Variants in CPNE4 observed in about 807,000 individuals in gnomAD.
The protein encoded by CPNE4 is copine 4, also known as copine-4.
A neutral mutation model predicts 67.9 loss-of-function variants in CPNE4; 25 were observed. The observed-to-expected ratio is 0.37, with a 90% CI of 0.27 to 0.51. The LOEUF (loss-of-function observed/expected upper bound fraction) is 0.51, where lower values mean the gene tolerates loss of function less well. CPNE4 is among the 20% of genes least tolerant of loss of function. The probability of loss-of-function intolerance (pLI) is 0.93; values close to 1 mark genes in which losing one functional copy is unlikely to be tolerated. For synonymous variants in CPNE4, 242 were observed against 244.9 expected (o/e 0.99, Z 0.11); for missense variants, 464 against 690.8 (o/e 0.67, Z 3.68).
At chr3:131,971,617 T>C (rs2072505597) in intron 1 of CPNE4, among the ~76,000 whole-genome samples, 1 of 152,226 alleles carries the variant, frequency 6.6e-6, no homozygotes, top group Non-Finnish European at 1.5e-5. Context: ...AATATTTTTC[T>C]TGGCCCTTCA....
intron 2 of CPNE4, among the ~76,000 whole-genome samples, chr3:131,762,686 C>T (rs1255810489): frequency 6.6e-6 from 1 of 152,034 alleles, no homozygotes; most frequent in Non-Finnish European, 1.5e-5. Context: ...ATAACTGCCC[C>T]TTGAAATAGA....
intron 2 of CPNE4, among the ~76,000 whole-genome samples, chr3:131,735,732 T>C (rs2082219404): frequency 6.6e-6 from 1 of 152,250 alleles, no homozygotes; most frequent in African/African-American, 2.4e-5. Flanking sequence ...GTGGGGCAAG[T>C]TGACTTCATA....
chr3:131,614,220 A>C (rs1434004103), intron 7 of CPNE4, among the ~76,000 whole-genome samples: 1 of 152,160 alleles, frequency 6.6e-6, no homozygotes, highest in Admixed American at 6.5e-5. Context: ...CATTCATTAA[A>C]CCCAACATGT....
intron 15 of CPNE4, among the ~76,000 whole-genome samples, chr3:131,536,133 G>A (rs1935132666): frequency 6.6e-6 from 1 of 152,136 alleles, no homozygotes. Flanking sequence ...AGGATTGGTT[G>A]GGCATTTGGT....
Position 131,879,167 on chromosome 3 carries a change from TGTCA to T in CPNE4, c.180+26093_180+26096del, listed in dbSNP as rs1396212160. The stretch of plus-strand genomic sequence containing the variant: ...GACATACTCAGAGTGTTTGTTAGTT[TGTCA>T]GTGAGTAAAAATCACATGGAGTGTA... On this transcript the variant is annotated intron_variant, in intron 2 of 15. Transcript: ENST00000429747. 2.0e-5 allele frequency among the ~76,000 whole-genome samples: 3 copies of T among 152,222 alleles called. No individual in the cohort carries two copies. In the East Asian group the frequency reaches 5.8e-4, roughly 29 times the overall value.
chr3:131,704,536 A>G (rs1583050084), intron 3 of CPNE4, among the ~76,000 whole-genome samples: 1 of 152,032 alleles, frequency 6.6e-6, no homozygotes, highest in South Asian at 2.1e-4. Context: ...TCTCTTTGCT[A>G]TCTCACTTCT....
chr3:131,896,765 G>A (rs1479384879), intron 2 of CPNE4, among the ~76,000 whole-genome samples: 2 of 151,984 alleles, frequency 1.3e-5, no homozygotes, highest in Non-Finnish European at 2.9e-5. Flanking sequence ...CATTTTAAGA[G>A]GCATGGATGC....
At chr3:131,844,919 T>G (rs1387621970) in intron 2 of CPNE4, among the ~76,000 whole-genome samples, 1 of 152,188 alleles carries the variant, frequency 6.6e-6, no homozygotes, top group African/African-American at 2.4e-5. Flanking sequence ...GATAATACTC[T>G]TCAAAAAGTG....
chr3:131,867,259 G>A (rs2086991613), intron 2 of CPNE4, among the ~76,000 whole-genome samples: 1 of 152,058 alleles, frequency 6.6e-6, no homozygotes, highest in African/African-American at 2.4e-5. Context: ...CCGCTCTTTG[G>A]GGCACAGCTG....
At position 131,951,615 on chromosome 3, in the gene CPNE4, A is replaced by C. The variant is rs569450014; in HGVS notation, c.-1-46171T>G. On this transcript the variant is annotated intron_variant, in intron 1 of 15. Transcript: ENST00000429747. ...CCATGGTCTCCCTCTGATGCCGAGC[A>C]GAAGCTGGACTGTACTGCTGCCATC... 5.5e-3 allele frequency among the ~76,000 whole-genome samples: 830 copies of C among 151,840 alleles called. 4 individuals are homozygous for C. Among genetic ancestry groups the C allele is most frequent in the Non-Finnish European group, 9.3e-3 (631 of 67,966 alleles).
intron 2 of CPNE4, among the ~76,000 whole-genome samples, chr3:131,904,938 G>A (rs557002129): frequency 9.1e-4 from 139 of 152,220 alleles, no homozygotes; most frequent in African/African-American, 3.1e-3. Context: ...GGCCCAGTCT[G>A]GGGTCTGGGT....
At chr3:131,880,063 T>A (rs1425266910) in intron 2 of CPNE4, among the ~76,000 whole-genome samples, 3 of 151,976 alleles carry the variant, frequency 2.0e-5, no homozygotes, top group African/African-American at 7.3e-5. Flanking sequence ...AGGACAGGGA[T>A]CATAACTGTT....
intron 7 of CPNE4, among the ~76,000 whole-genome samples, chr3:131,624,437 A>T (rs1347133149): frequency 6.6e-6 from 1 of 152,146 alleles, no homozygotes; most frequent in Admixed American, 6.5e-5. Context: ...AAAACACAGG[A>T]CTTTATTTTC....
At chr3:131,686,010 T>C (rs2080880594) in intron 5 of CPNE4, 52 bp from the exon 6 acceptor site, 1 of 953,126 alleles carries the variant, frequency 1.0e-6, no homozygotes, top group African/African-American at 1.6e-5. Flanking sequence ...TTTGATCTAG[T>C]CCTGATCAAT....
intron 2 of CPNE4, among the ~76,000 whole-genome samples, chr3:131,755,382 G>A (rs1003558392): frequency 6.6e-6 from 1 of 152,120 alleles, no homozygotes; most frequent in African/African-American, 2.4e-5. Context: ...ATACGGACCT[G>A]TGACAGATGA....
intron 7 of CPNE4, among the ~76,000 whole-genome samples, chr3:131,609,345 G>A (rs1479599513): frequency 6.6e-6 from 1 of 152,094 alleles, no homozygotes; most frequent in African/African-American, 2.4e-5. Flanking sequence ...TTGATGGGTG[G>A]GTACATTTCC....
At chr3:131,676,524 CCCT>C (rs911141180) in intron 6 of CPNE4, among the ~76,000 whole-genome samples, 2 of 152,134 alleles carry the variant, frequency 1.3e-5, no homozygotes, top group Non-Finnish European at 2.9e-5. Context: ...CTACTTCTCT[CCCT>C]CCTACCACCT....
intron 1 of CPNE4, among the ~76,000 whole-genome samples, chr3:131,930,081 T>C (rs756767073): frequency 1.3e-5 from 2 of 152,148 alleles, no homozygotes; most frequent in Non-Finnish European, 2.9e-5. Flanking sequence ...TTTAATTCAA[T>C]AGATAGTCAT....
chr3:131,645,683 T>C (rs1445783024), intron 7 of CPNE4, among the ~76,000 whole-genome samples: 1 of 152,194 alleles, frequency 6.6e-6, no homozygotes, highest in African/African-American at 2.4e-5. Flanking sequence ...TTGTGGCAAA[T>C]ATCTGACTGC....
Sources: gnomAD v4.1 joint callset for allele counts (sites outside exome capture counted in the v4.1 genomes callset) on GRCh38, gnomAD v4.1.1 for gene constraint, MANE v1.5 for transcripts, NCBI Gene and HGNC (gene_info 2026-07-23, HGNC 2026-07-21) for gene names.